SCIN: variants seen among roughly 807,000 people sequenced by gnomAD.
SCIN encodes adseverin.
Under a neutral mutation model 91.8 loss-of-function variants are expected in SCIN, and 91 were observed. The observed-to-expected ratio is 0.99, with a 90% CI of 0.84 to 1.18. SCIN has a LOEUF of 1.18. Among genes scored for constraint, SCIN ranks in the 50% most tolerant of loss-of-function variants. The pLI is 0.00. For synonymous variants in SCIN, 367 were observed against 312.6 expected (o/e 1.17, Z -1.84); for missense variants, 1,087 against 863.9 (o/e 1.26, Z -3.24).
intron 4 of SCIN, among the ~76,000 whole-genome samples, chr7:12,612,224 G>A (rs186779998): frequency 6.6e-6 from 1 of 152,178 alleles, no homozygotes; most frequent in East Asian, 1.9e-4. Context: ...CATTCATGTA[G>A]CATTGTGCCT....
In SCIN at chr7:12,636,123, A is replaced by G. The variant is rs774965364; in HGVS notation, c.1398A>G (p.Gly466=). 1.9e-6 allele frequency: 3 copies of G among 1,612,486 alleles called. No homozygotes were observed. Among genetic ancestry groups the G allele is most frequent in the Non-Finnish European group, 2.5e-6 (3 of 1,179,280 alleles). The part of the protein sequence containing the change: ...LTVQLDRSLG[G]QAVQIRVSQG... ...TTCAGTTGGATCGGTCCCTTGGAGG[A>G]CAGGCTGTGCAGGTTGGGATATTTT... Residue 466 remains glycine, a synonymous_variant, in exon 10 of 16, where the codon GGA becomes GGG. Coordinates refer to ENST00000297029, the MANE Select transcript of SCIN (RefSeq NM_001112706.3).
At chr7:12,645,817 T>A (rs2115300066) in intron 13 of SCIN, among the ~76,000 whole-genome samples, 1 of 152,336 alleles carries the variant, frequency 6.6e-6, no homozygotes, top group Middle Eastern at 3.4e-3. Flanking sequence ...ATTAATGTTG[T>A]GATGTCCTAT....
chr7:12,645,369 A>G (rs1783943549), intron 13 of SCIN, among the ~76,000 whole-genome samples: 1 of 152,130 alleles, frequency 6.6e-6, no homozygotes, highest in Non-Finnish European at 1.5e-5. Flanking sequence ...ATAGAACCTA[A>G]CAACGCCGGG....
chr7:12,634,950 G>A (rs534663707), intron 9 of SCIN, among the ~76,000 whole-genome samples: 6 of 152,224 alleles, frequency 3.9e-5, no homozygotes, highest in Admixed American at 3.3e-4. Context: ...ACTTTGGGAG[G>A]CCGAGGCGGG....
rs766746282 is a variant in SCIN, at chr7:12,652,602, G to A, written c.2035G>A (p.Glu679Lys). The change falls in exon 16 of 16, where the codon GAG becomes AAG. Residue 679 changes from glutamate to lysine, a missense_variant. Glu to Lys is a moderately conservative substitution (Grantham distance 56, BLOSUM62 1). Coordinates refer to ENST00000297029, the MANE Select transcript of SCIN (RefSeq NM_001112706.3). ...ESLKSAKMYL[E>K]TDPSGRDKRT... ...ACTTTTTTTAGCCAAAATGTACCTT[G>A]AGACAGACCCTTCTGGAAGAGACAA... The A allele has an allele frequency of 8.7e-6, 14 of 1,612,910 alleles. No homozygotes were observed. The highest frequency in any genetic ancestry group is 2.2e-5 in the South Asian group (2 of 90,968).
chr7:12,604,698 C>T (rs1783035641), intron 4 of SCIN, 35 bp downstream of exon 4: 2 of 1,515,902 alleles, frequency 1.3e-6, no homozygotes, highest in Non-Finnish European at 1.8e-6. Flanking sequence ...AAAGGGTTAC[C>T]ACTCCAACTC....
chr7:12,639,351 A>G (rs1349999111), intron 10 of SCIN, among the ~76,000 whole-genome samples: 1 of 152,242 alleles, frequency 6.6e-6, no homozygotes, highest in Non-Finnish European at 1.5e-5. Context: ...ATTGAAATAT[A>G]TTTATGAAGT....
intron 1 of SCIN, among the ~76,000 whole-genome samples, chr7:12,576,981 G>A (rs977814013): frequency 6.6e-6 from 1 of 152,106 alleles, no homozygotes; most frequent in Non-Finnish European, 1.5e-5. Context: ...CATAAAATGT[G>A]AGTGCCCCTC....
intron 9 of SCIN, among the ~76,000 whole-genome samples, chr7:12,630,906 G>A (rs187597163): frequency 2.5e-3 from 388 of 152,208 alleles, no homozygotes; most frequent in Non-Finnish European, 4.1e-3. Flanking sequence ...AAAAGTGTTT[G>A]TGCAACAAAA....
intron 8 of SCIN, among the ~76,000 whole-genome samples, chr7:12,627,343 A>T (rs1352226785): frequency 6.6e-6 from 1 of 151,876 alleles, no homozygotes; most frequent in Non-Finnish European, 1.5e-5. Context: ...CTCCTTGGCA[A>T]CTCAGTTAAA....
chr7:12,600,463 T>C (rs1179090397), intron 3 of SCIN, among the ~76,000 whole-genome samples: 3 of 152,158 alleles, frequency 2.0e-5, no homozygotes, highest in Non-Finnish European at 4.4e-5. Context: ...CTTATTCATC[T>C]AAATAAATGC....
chr7:12,651,362 C>T lies in SCIN; in HGVS notation c.1960-479C>T, dbSNP rs1784074982. Among the ~76,000 whole-genome samples the T allele has an allele frequency of 6.6e-6, 1 of 152,214 alleles. No homozygotes were observed. Among genetic ancestry groups the T allele is most frequent in the Non-Finnish European group, 1.5e-5 (1 of 68,048 alleles). On this transcript the variant is annotated intron_variant, in intron 14 of 15. Coordinates refer to ENST00000297029, the MANE Select transcript of SCIN (RefSeq NM_001112706.3). The surrounding 1 kb of genome is among the most constrained non-coding windows in gnomAD (Gnocchi z 5.9). ...AAGTCCGGCTGCACCACTGCAGATT[C>T]TCTACAGATGCAGATCTTCCCCTAC...
At chr7:12,599,085 G>A (rs1782903434) in intron 3 of SCIN, among the ~76,000 whole-genome samples, 1 of 152,124 alleles carries the variant, frequency 6.6e-6, no homozygotes, top group African/African-American at 2.4e-5. Context: ...GTAAATAGTG[G>A]CATAAAATAA....
chr7:12,607,840 G>A (rs116589409), intron 4 of SCIN, among the ~76,000 whole-genome samples: 277 of 152,288 alleles, frequency 1.8e-3, no homozygotes, highest in African/African-American at 6.4e-3. Flanking sequence ...AAACTTGTTT[G>A]ACTTCTAGGC....
chr7:12,650,945 A>G (rs990996090), intron 14 of SCIN, among the ~76,000 whole-genome samples: 5 of 152,168 alleles, frequency 3.3e-5, no homozygotes, highest in African/African-American at 9.7e-5. Flanking sequence ...CCTCTAGGAA[A>G]TGGGGATAAT....
intron 3 of SCIN, among the ~76,000 whole-genome samples, chr7:12,588,078 T>C (rs146754189): frequency 6.6e-6 from 1 of 152,346 alleles, no homozygotes; most frequent in African/African-American, 2.4e-5. Flanking sequence ...AACTAAAGAC[T>C]GAACTAAATC....
In SCIN at chr7:12,651,787, G is replaced by A. The variant is rs1784083923; in HGVS notation, c.1960-54G>A. 6.1e-6 allele frequency: 7 copies of A among 1,145,080 alleles called. No homozygotes were observed. Among genetic ancestry groups the A allele is most frequent in the Non-Finnish European group, 9.0e-6 (7 of 775,618 alleles). 70.9% of individuals were successfully genotyped at this position (1,145,080 alleles called of 1,614,324 possible). On this transcript the variant is annotated intron_variant, in intron 14 of 15. Coordinates refer to ENST00000297029, the MANE Select transcript of SCIN (RefSeq NM_001112706.3). This position sits in a 1 kb window ranked among gnomAD's most constrained non-coding sequence, Gnocchi z 5.9. ...TGTGAAGCACTTTACATAGGGCCTA[G>A]CACTGAGTCAACATCCCAGAAATCA...
At chr7:12,618,876 A>G (rs547876142) in intron 4 of SCIN, among the ~76,000 whole-genome samples, 17 of 152,304 alleles carry the variant, frequency 1.1e-4, no homozygotes, top group African/African-American at 3.8e-4. Flanking sequence ...AAACAGAGTC[A>G]TCTACCCTAA....
At chr7:12,596,805 A>G (rs940472344) in intron 3 of SCIN, among the ~76,000 whole-genome samples, 2 of 152,092 alleles carry the variant, frequency 1.3e-5, no homozygotes, top group African/African-American at 4.8e-5. Context: ...GATGAGTGGC[A>G]TCACTACCAG....
Sources: allele counts gnomAD v4.1 joint callset (sites outside exome capture counted in the v4.1 genomes callset), GRCh38; gene constraint gnomAD v4.1.1; non-coding constraint Gnocchi (gnomAD v3.1); transcripts MANE v1.5; gene names NCBI Gene and HGNC (gene_info 2026-07-23, HGNC 2026-07-21).